Variants in RAI1 observed in about 807,000 individuals in gnomAD.
RAI1 encodes retinoic acid induced 1.
RAI1 carries 9 observed loss-of-function variants against 123.8 expected under a neutral mutation model. The observed-to-expected ratio is 0.07, with a 90% CI of 0.04 to 0.13. RAI1 has a LOEUF of 0.13. Ranked by LOEUF, RAI1 falls within the 10% of genes least tolerant of loss-of-function variation. The pLI is 1.00. For synonymous variants in RAI1, 1,231 were observed against 1,127.3 expected (o/e 1.09, Z -1.84); for missense variants, 2,256 against 2,545.8 (o/e 0.89, Z 2.45).
rs1312573392 is a variant in RAI1 at position 17,795,741 on chromosome 17, A to G, written c.2793A>G (p.Thr931=). The G allele has an allele frequency of 6.2e-6, 10 of 1,613,332 alleles. No homozygotes were observed. Among genetic ancestry groups the G allele is most frequent in the Non-Finnish European group, 8.5e-6 (10 of 1,180,026 alleles). The stretch of plus-strand genomic sequence containing the variant: ...AGTCCGTCATCCTGCTGGGCCCTAC[A>G]GTGGGCACCGAGTCAAAGGTCCAGA... ...SGESVILLGP[T]VGTESKVQSW... Residue 931 remains threonine (T), a synonymous_variant, in exon 3 of 6, where the codon ACA becomes ACG. Coordinates refer to ENST00000353383, the MANE Select transcript of RAI1 (RefSeq NM_030665.4). This position sits in a 1 kb window ranked among gnomAD's most constrained non-coding sequence, Gnocchi z 5.9.
chr17:17,810,182 T>G lies in RAI1; in HGVS notation c.*201T>G. 2.8e-6 allele frequency: 2 copies of G among 726,252 alleles called. No homozygotes were observed. Among genetic ancestry groups the G allele is most frequent in the Non-Finnish European group, 4.3e-6 (2 of 464,726 alleles). 45.0% of individuals were successfully genotyped at this position (726,252 alleles called of 1,614,324 possible). The stretch of plus-strand genomic sequence containing the variant: ...GGCCCCGGGTTGGGAGGAAAACCCG[T>G]TCCGGAGCCGCCTGCTCCCGGAACC... On this transcript the variant is annotated 3_prime_UTR_variant, in exon 6 of 6. Transcript: ENST00000353383. The surrounding 1 kb of genome is among the most constrained non-coding windows in gnomAD (Gnocchi z 4.6).
In RAI1 at chr17:17,794,825, G is replaced by C. The variant is rs1329231689; in HGVS notation, c.1877G>C (p.Trp626Ser). 6.2e-7 allele frequency: 1 copy of C among 1,613,012 alleles called. No individual in the cohort carries two copies. The highest frequency in any genetic ancestry group is 8.5e-7 in the Non-Finnish European group (1 of 1,180,006). Residue 626 changes from tryptophan (W) to serine (S), a missense_variant, in exon 3 of 6, where the codon TGG (tryptophan) becomes TCG (serine). Trp to Ser is a radical substitution (Grantham distance 177, BLOSUM62 -3). Around this residue, in one of 7 missense-constraint regions of RAI1, gnomAD observed 357 missense variants for 480.2 expected, o/e 0.74. Coordinates refer to ENST00000353383, the MANE Select transcript of RAI1 (RefSeq NM_030665.4). ...EAIGEKADKA[W>S]AEAPSLVKDS... The stretch of plus-strand genomic sequence containing the variant: ...ATCGGTGAGAAGGCCGACAAAGCTT[G>C]GGCTGAAGCACCCAGCCTGGTCAAG...
At chr17:17,780,087 CAA>C (rs2031515318) in intron 2 of RAI1, among the ~76,000 whole-genome samples, 1 of 11,272 alleles carries the variant, frequency 8.9e-5, no homozygotes, top group African/African-American at 2.7e-4. Flanking sequence ...TTTTTTAAGA[CAA>C]GAGTTTTACT....
rs1350169598 is a variant in RAI1 at position 17,794,493 on chromosome 17, C to T, written c.1545C>T (p.Ala515=). 1 of 1,611,930 alleles carries T rather than the reference C, an allele frequency of 6.2e-7. No homozygotes were observed. Among genetic ancestry groups the T allele is most frequent in the Admixed American group, 1.7e-5 (1 of 59,842 alleles). ...PQSTHAEPQE[A]DYLSGSEDPL... The stretch of plus-strand genomic sequence containing the variant: ...CCACGCATGCGGAGCCGCAGGAGGC[C>T]GACTACCTGAGCGGCTCCGAGGACC... Residue 515 remains alanine, a synonymous_variant, in exon 3 of 6, where the codon GCC becomes GCT. Transcript: ENST00000353383.
At chr17:17,772,057 G>T (rs1232336720) in intron 2 of RAI1, among the ~76,000 whole-genome samples, 1 of 152,206 alleles carries the variant, frequency 6.6e-6, no homozygotes, top group Non-Finnish European at 1.5e-5. Context: ...TGTCACCTAA[G>T]GGTATTGACC....
chr17:17,714,535 T>G lies in RAI1; in HGVS notation c.-148-9493T>G, dbSNP rs1426585533. Among the ~76,000 whole-genome samples, 2 of 152,124 alleles carry G rather than the reference T, an allele frequency of 1.3e-5. No individual in the cohort carries two copies. The highest frequency in any genetic ancestry group is 2.9e-5 in the Non-Finnish European group (2 of 68,028). ...GGCTTGTGGCGTGGCCAACTCTGAG[T>G]GACGTTTATGCACTCATTTCTATTT... is the stretch of plus-strand genomic sequence containing the variant. On this transcript the variant is annotated intron_variant, in intron 1 of 5. Coordinates refer to ENST00000353383, the MANE Select transcript of RAI1 (RefSeq NM_030665.4). This position sits in a 1 kb window ranked among gnomAD's most constrained non-coding sequence, Gnocchi z 4.9.
chr17:17,748,191 C>A (rs996622936), intron 2 of RAI1, among the ~76,000 whole-genome samples: 2 of 152,174 alleles, frequency 1.3e-5, no homozygotes, highest in African/African-American at 4.8e-5. Context: ...GGCCTGGCAC[C>A]CACCAGGAAT....
At chr17:17,728,920 G>A (rs186284301) in intron 2 of RAI1, among the ~76,000 whole-genome samples, 6 of 152,276 alleles carry the variant, frequency 3.9e-5, no homozygotes, top group South Asian at 2.1e-4. Context: ...GGGAGGCTGG[G>A]GCCTACCATG....
intron 2 of RAI1, among the ~76,000 whole-genome samples, chr17:17,790,118 C>T (rs958263926): frequency 1.3e-5 from 2 of 152,180 alleles, no homozygotes; most frequent in Non-Finnish European, 2.9e-5. Flanking sequence ...CCTGCCTCGC[C>T]TTCTGTGTCC....
At chr17:17,724,487 G>C (rs932731494) in intron 2 of RAI1, among the ~76,000 whole-genome samples, 6 of 139,610 alleles carry the variant, frequency 4.3e-5, no homozygotes, top group Admixed American at 1.6e-4. Flanking sequence ...CCTCCACAAA[G>C]CATTGGTGAG....
At chr17:17,686,968 T>G (rs1476930839) in intron 1 of RAI1, among the ~76,000 whole-genome samples, 1 of 152,012 alleles carries the variant, frequency 6.6e-6, no homozygotes, top group African/African-American at 2.4e-5. Context: ...AGGGGCCAGG[T>G]GAACAATGAG....
Position 17,794,178 on chromosome 17 carries a change from G to A in RAI1, c.1230G>A (p.Gln410=). ...PTDATSSVDT[Q]AGNCKPLQKD... ...ATGCCACCAGCTCTGTGGACACCCA[G>A]GCTGGCAACTGCAAGCCCCTTCAGA... Residue 410 remains glutamine, a synonymous_variant, in exon 3 of 6, where the codon CAG becomes CAA. Coordinates refer to ENST00000353383, the MANE Select transcript of RAI1 (RefSeq NM_030665.4). The A allele has an allele frequency of 6.2e-7, 1 of 1,613,794 alleles. No homozygotes were observed. Among genetic ancestry groups the A allele is most frequent in the Non-Finnish European group, 8.5e-7 (1 of 1,180,032 alleles).
At position 17,799,176 on chromosome 17, in the gene RAI1, C is replaced by T. The variant is rs563690939; in HGVS notation, c.5565+663C>T. Among the ~76,000 whole-genome samples the T allele has an allele frequency of 4.3e-4, 65 of 152,342 alleles. No individual in the cohort carries two copies. Among genetic ancestry groups the T allele is most frequent in the Non-Finnish European group, 7.8e-4 (53 of 68,028 alleles). On this transcript the variant is annotated intron_variant, in intron 3 of 5. Transcript: ENST00000353383. This position sits in a 1 kb window ranked among gnomAD's most constrained non-coding sequence, Gnocchi z 4.5. ...GAGAGAGGGAACTCTGGGGCTGTGC[C>T]GCCATGCACCTTTGGGGCTGTGACC...
chr17:17,796,158 AC>A lies in RAI1; in HGVS notation c.3215del (p.Pro1072GlnfsTer3). On this transcript the variant is annotated frameshift_variant, in exon 3 of 6. Transcript: ENST00000353383. The surrounding 1 kb of genome is among the most constrained non-coding windows in gnomAD (Gnocchi z 5.8). ...TALSEPRTPGPPGLTTTPAPP... is the reference protein window; with the variant it reads ...TALSEPRTPGXPGLTTTPAPP... ...CCCTGAGTGAGCCCCGCACGCCCGG[AC>A]CCCCAGGCCTGACCACCACCCCTGC... 1.3e-6 allele frequency: 2 copies of A among 1,563,848 alleles called. No individual in the cohort carries two copies. Among genetic ancestry groups the A allele is most frequent in the Non-Finnish European group, 8.7e-7 (1 of 1,153,086 alleles).
chr17:17,750,689 CAAAAAAAA>C (rs57637022), intron 2 of RAI1, among the ~76,000 whole-genome samples: 42 of 79,780 alleles, frequency 5.3e-4, no homozygotes, highest in Non-Finnish European at 6.6e-4. Context: ...TACTCCGTCT[CAAAAAAAA>C]AAAAAAAAAA....
intron 2 of RAI1, among the ~76,000 whole-genome samples, chr17:17,730,910 G>T (rs1345348935): frequency 6.6e-6 from 1 of 152,260 alleles, no homozygotes; most frequent in Non-Finnish European, 1.5e-5. Flanking sequence ...AGCCACAGGG[G>T]CCTTACTTCG....
chr17:17,728,998 G>A (rs745522330), intron 2 of RAI1, among the ~76,000 whole-genome samples: 5 of 152,180 alleles, frequency 3.3e-5, no homozygotes, highest in Non-Finnish European at 5.9e-5. Flanking sequence ...AGGGCTGGGC[G>A]GCTGTGATGT....
intron 2 of RAI1, among the ~76,000 whole-genome samples, chr17:17,727,125 C>G (rs1342640710): frequency 6.6e-6 from 1 of 152,250 alleles, no homozygotes; most frequent in East Asian, 1.9e-4. Context: ...AAGGCTCCGA[C>G]TGCCTGCAGT....
chr17:17,745,407 G>T (rs570751966), intron 2 of RAI1, among the ~76,000 whole-genome samples: 5 of 146,010 alleles, frequency 3.4e-5, no homozygotes, highest in African/African-American at 1.1e-4. Flanking sequence ...GAAGGCTTTT[G>T]TGTGTGTGTG....
Sources: allele counts gnomAD v4.1 joint callset (sites outside exome capture counted in the v4.1 genomes callset), GRCh38; gene constraint gnomAD v4.1.1; regional missense constraint gnomAD v4.1.1; non-coding constraint Gnocchi (gnomAD v3.1); transcripts MANE v1.5; gene names NCBI Gene and HGNC (gene_info 2026-07-23, HGNC 2026-07-21).